The following MED12L variants were observed in gnomAD, a reference collection of about 807,000 sequenced individuals.
MED12L encodes mediator complex subunit 12L.
MED12L carries 60 observed loss-of-function variants against 281.3 expected under a neutral mutation model. That is an observed-to-expected ratio of 0.21 (90% confidence interval 0.17 to 0.26). The LOEUF is 0.26. Among genes scored for constraint, MED12L ranks in the 10% least tolerant of loss-of-function variants. The pLI is 1.00. For synonymous variants in MED12L, 974 were observed against 987.2 expected (o/e 0.99, Z 0.25); for missense variants, 2,146 against 2,680.9 (o/e 0.80, Z 4.41).
Position 151,334,130 on chromosome 3 carries a change from C to A in MED12L, c.2251-15929C>A, listed in dbSNP as rs188671923. Among the ~76,000 whole-genome samples the A allele has an allele frequency of 1.6e-3, 237 of 149,842 alleles. 2 individuals are homozygous for A. The highest frequency in any genetic ancestry group is 4.8e-3 in the African/African-American group (198 of 40,942). The stretch of plus-strand genomic sequence containing the variant: ...AATTTGAAATCTGTAAGTGAAAAAG[C>A]CATGTTATATAAATATAAATTTATT... On this transcript the variant is annotated intron_variant, in intron 16 of 44. Coordinates refer to ENST00000687756, the MANE Select transcript of MED12L (RefSeq NM_001393769.1).
At chr3:151,155,422 C>A (rs1328269926) in intron 5 of MED12L, among the ~76,000 whole-genome samples, 1 of 152,184 alleles carries the variant, frequency 6.6e-6, no homozygotes, top group Non-Finnish European at 1.5e-5. Flanking sequence ...TGTTTCCTTT[C>A]CAGTATCCCA....
intron 16 of MED12L, among the ~76,000 whole-genome samples, chr3:151,322,528 A>G (rs886318008): frequency 3.7e-4 from 57 of 152,162 alleles, no homozygotes; most frequent in Admixed American, 8.5e-4. Context: ...TGACTTATCC[A>G]TTATGGGAAG....
chr3:151,318,989 G>C (rs143850527), intron 16 of MED12L, among the ~76,000 whole-genome samples: 48 of 152,188 alleles, frequency 3.2e-4, no homozygotes, highest in African/African-American at 1.2e-3. Context: ...CGGGACGGTA[G>C]CCTAACAGCT....
At chr3:151,345,392 G>A (rs997519085) in intron 16 of MED12L, among the ~76,000 whole-genome samples, 2 of 152,150 alleles carry the variant, frequency 1.3e-5, no homozygotes, top group Non-Finnish European at 2.9e-5. Context: ...TAAACACCAA[G>A]TTGAAAGAGC....
chr3:151,337,727 G>T, intron 16 of MED12L: 1 of 1,270,094 alleles, frequency 7.9e-7, no homozygotes, highest in Non-Finnish European at 1.1e-6. Context: ...TAACTTAGTT[G>T]CTTCTTCGTC....
chr3:151,267,197 C>T (rs375103597), intron 16 of MED12L, among the ~76,000 whole-genome samples: 1 of 152,228 alleles, frequency 6.6e-6, no homozygotes, highest in Non-Finnish European at 1.5e-5. Flanking sequence ...GACAGTATTC[C>T]TTACTGGGAG....
rs112328243 is a variant in MED12L, at chr3:151,311,472, G to A, written c.2251-38587G>A. ...TCATGGTATATGCTGACACATTGAT[G>A]TAGTAATTACCTTTTAAATGGCATT... On this transcript the variant is annotated intron_variant, in intron 16 of 44. Coordinates refer to ENST00000687756, the MANE Select transcript of MED12L (RefSeq NM_001393769.1). Among the ~76,000 whole-genome samples the A allele has an allele frequency of 6.8e-3, 1,030 of 152,194 alleles. 10 individuals carry two copies. The highest frequency in any genetic ancestry group is 0.024 in the South Asian group (115 of 4,816).
chr3:151,382,878 A>G (rs781654186), intron 33 of MED12L, 133 bp downstream of exon 33: 4 of 643,552 alleles, frequency 6.2e-6, no homozygotes, highest in African/African-American at 1.9e-5. Context: ...CTCTGTAATT[A>G]CTTCCCTGTT....
chr3:151,169,137 A>C (rs1319685627), intron 11 of MED12L, among the ~76,000 whole-genome samples: 1 of 75,942 alleles, frequency 1.3e-5, no homozygotes, highest in Admixed American at 1.8e-4. Context: ...TTTTTTTTTG[A>C]GACGGAGTCT....
In MED12L at chr3:151,433,946, T is replaced by G. The variant is rs1350616906; in HGVS notation, c.*1142T>G. The stretch of plus-strand genomic sequence containing the variant: ...TAAAGAAATAGTAACTATTTTAACT[T>G]TGTTCAAGTATGTGGTAATTTGCTC... On this transcript the variant is annotated 3_prime_UTR_variant, in exon 45 of 45. Transcript: ENST00000687756. 1 of 152,648 alleles carries G rather than the reference T, an allele frequency of 6.6e-6. No individual in the cohort carries two copies. Among genetic ancestry groups the G allele is most frequent in the Non-Finnish European group, 1.5e-5 (1 of 68,042 alleles). 9.5% of individuals were successfully genotyped at this position (152,648 alleles called of 1,614,324 possible). A position where few individuals can be genotyped will look rare whatever the true frequency, so the allele number is the denominator to read the frequency against.
intron 11 of MED12L, among the ~76,000 whole-genome samples, chr3:151,176,499 ATAT>A (rs1468975298): frequency 2.0e-5 from 3 of 152,296 alleles, no homozygotes; most frequent in East Asian, 3.9e-4. Flanking sequence ...TCTATGCATA[ATAT>A]TCTACAGGAT....
At chr3:151,408,465 A>C (rs1468081099) in intron 39 of MED12L, among the ~76,000 whole-genome samples, 1 of 152,212 alleles carries the variant, frequency 6.6e-6, no homozygotes, top group East Asian at 1.9e-4. Context: ...CATTCTTTAC[A>C]ATCAGTAAGT....
At chr3:151,392,779 G>A (rs1348775789) in intron 38 of MED12L, among the ~76,000 whole-genome samples, 1 of 152,158 alleles carries the variant, frequency 6.6e-6, no homozygotes, top group Non-Finnish European at 1.5e-5. Flanking sequence ...GTAGGAGTAA[G>A]TGAGGAAAGT....
chr3:151,163,242 T>G (rs1025890218), intron 8 of MED12L, among the ~76,000 whole-genome samples: 2 of 151,718 alleles, frequency 1.3e-5, no homozygotes, highest in African/African-American at 4.9e-5. Context: ...TGTCTGCAAG[T>G]GTCTAGGGCG....
intron 16 of MED12L, chr3:151,213,180 A>G (rs1727465473): frequency 4.0e-6 from 3 of 747,662 alleles, no homozygotes; most frequent in Non-Finnish European, 6.5e-6. Flanking sequence ...TATTGAACTA[A>G]ATTGGATGGC....
At chr3:151,163,009 A>C (rs1720197551) in intron 8 of MED12L, among the ~76,000 whole-genome samples, 1 of 152,188 alleles carries the variant, frequency 6.6e-6, no homozygotes. Flanking sequence ...TAATTAGCTT[A>C]ATTAAATGTG....
At chr3:151,323,216 CATGTCAG>C (rs1749194547) in intron 16 of MED12L, among the ~76,000 whole-genome samples, 1 of 152,132 alleles carries the variant, frequency 6.6e-6, no homozygotes, top group Non-Finnish European at 1.5e-5. Context: ...CTGGAAGGTC[CATGTCAG>C]ATGTTTTCCC....
At chr3:151,269,440 CAA>C (rs1381948700) in intron 16 of MED12L, 24 of 220,750 alleles carry the variant, frequency 1.1e-4, no homozygotes, top group African/African-American at 3.8e-4. Context: ...CACACACACA[CAA>C]AATTCAGAGA....
intron 11 of MED12L, among the ~76,000 whole-genome samples, chr3:151,175,293 A>C (rs1003070633): frequency 6.6e-6 from 1 of 152,178 alleles, no homozygotes; most frequent in African/African-American, 2.4e-5. Flanking sequence ...TATCTTCTCC[A>C]AATTTGACCA....
Sources: allele counts gnomAD v4.1 joint callset (sites outside exome capture counted in the v4.1 genomes callset), GRCh38; gene constraint gnomAD v4.1.1; transcripts MANE v1.5; gene names NCBI Gene and HGNC (gene_info 2026-07-23, HGNC 2026-07-21).